The following OPRM1 variants were observed in gnomAD, a reference collection of about 807,000 sequenced individuals.
OPRM1 encodes the protein mu-type opioid receptor.
Under a neutral mutation model 31.8 loss-of-function variants are expected in OPRM1, and 27 were observed. That is an observed-to-expected ratio of 0.85 (90% CI 0.63 to 1.17). The LOEUF (loss-of-function observed/expected upper bound fraction) is 1.17. Ranked by LOEUF, OPRM1 falls within the 50% of genes most tolerant of loss-of-function variation. The pLI is 0.00. For missense variants in OPRM1, 536 were observed against 511.1 expected (o/e 1.05, Z -0.47); for synonymous variants, 196 against 189.9 (o/e 1.03, Z -0.26).
At chr6:154,174,509 A>G (rs983816760) in intron 3 of OPRM1, among the ~76,000 whole-genome samples, 7 of 152,288 alleles carry the variant, frequency 4.6e-5, no homozygotes, top group African/African-American at 1.4e-4. Flanking sequence ...AAAAAAAAGC[A>G]GGGGTTGCAA....
At chr6:154,080,868 C>G (rs1309608866) in intron 1 of OPRM1, among the ~76,000 whole-genome samples, 1 of 152,208 alleles carries the variant, frequency 6.6e-6, no homozygotes, top group East Asian at 1.9e-4. Context: ...TATCCATTCT[C>G]CCATGCTGGA....
At chr6:154,140,660 C>T (rs1461169170) in intron 3 of OPRM1, among the ~76,000 whole-genome samples, 2 of 151,970 alleles carry the variant, frequency 1.3e-5, no homozygotes, top group East Asian at 3.9e-4. Flanking sequence ...GGAGATGGAC[C>T]TCCCAAGAAT....
rs1473274739 is a variant in OPRM1, at chr6:154,039,392, A to C, written c.-153A>C. 1 of 1,546,822 alleles carries C rather than the reference A, an allele frequency of 6.5e-7. No individual in the cohort carries two copies. Among genetic ancestry groups the C allele is most frequent in the East Asian group, 2.5e-5 (1 of 40,806 alleles). On this transcript the variant is annotated 5_prime_UTR_variant, in exon 1 of 4. The change abolishes the stop of an existing upstream ORF in the 5' untranslated region. Coordinates refer to ENST00000330432, the MANE Select transcript of OPRM1 (RefSeq NM_000914.5). ...TGCTCAGCTCGGTCCCCTCCGCCTGACGCTCCTCTCTGTCTCAGCCAGGAC... is the reference window on the plus strand; with the variant it reads ...TGCTCAGCTCGGTCCCCTCCGCCTGCCGCTCCTCTCTGTCTCAGCCAGGAC...
chr6:154,219,976 C>T (rs1042235510), intron 3 of OPRM1, among the ~76,000 whole-genome samples: 5 of 139,576 alleles, frequency 3.6e-5, no homozygotes, highest in Non-Finnish European at 7.6e-5. Flanking sequence ...TGAGCGGATA[C>T]CTGTAAGGAG....
At position 154,212,798 on chromosome 6, in the gene OPRM1, G is replaced by A. The variant is rs373741797; in HGVS notation, c.1165-33895G>A. ...AGACTGAGTCTGGGAAGCGTGAGGAGGGGGTGGTGTCTCCGCAGCTATTTC... is the reference window on the plus strand; with the variant it reads ...AGACTGAGTCTGGGAAGCGTGAGGAAGGGGTGGTGTCTCCGCAGCTATTTC... On this transcript the variant is annotated intron_variant, in intron 3 of 3. Transcript: ENST00000337049. The A allele has an allele frequency of 8.7e-6, 14 of 1,613,074 alleles. No individual in the cohort carries two copies. The African/African-American group carries it at 9.3e-5, about 11-fold the overall frequency.
At position 154,222,080 on chromosome 6, in the gene OPRM1, G is replaced by A. The variant is rs188658631; in HGVS notation, c.1165-24613G>A. 2.2e-3 allele frequency among the ~76,000 whole-genome samples: 340 copies of A among 152,242 alleles called. 1 individual carries two copies. The highest frequency in any genetic ancestry group is 8.0e-3 in the African/African-American group (331 of 41,536). ...AAGAATTTTTATAGGAGAATAATCA[G>A]GTATGGAACGTCCACTCTGCAGCAA... On this transcript the variant is annotated intron_variant, in intron 3 of 3. Coordinates refer to the OPRM1 transcript ENST00000337049.
At chr6:154,238,427 G>GTATA (rs148667051) in intron 3 of OPRM1, among the ~76,000 whole-genome samples, 14 of 150,206 alleles carry the variant, frequency 9.3e-5, no homozygotes, top group African/African-American at 1.5e-4. Flanking sequence ...GGCTAATTTT[G>GTATA]TATATATATA....
At chr6:154,134,250 T>C (rs946745789), downstream of OPRM1, among the ~76,000 whole-genome samples, 5 of 152,194 alleles carry the variant, frequency 3.3e-5, no homozygotes, top group African/African-American at 1.2e-4. Flanking sequence ...AATTATTCCT[T>C]CTGGAACCCC....
intron 3 of OPRM1, among the ~76,000 whole-genome samples, chr6:154,152,339 G>GAAAAGA (rs750969208): frequency 0.025 from 891 of 36,256 alleles, 21 homozygotes; most frequent in African/African-American, 0.045. Flanking sequence ...AAGAAAGAAA[G>GAAAAGA]AAAGAAAGGA....
rs1050556444 is a variant in OPRM1 at position 154,149,985 on chromosome 6, G to A, written c.1164+58513G>A. Among the ~76,000 whole-genome samples the A allele has an allele frequency of 1.1e-4, 17 of 152,274 alleles. No individual in the cohort carries two copies. The South Asian group carries it at 1.5e-3, about 13-fold the overall frequency. On this transcript the variant is annotated intron_variant, in intron 3 of 3. Transcript: ENST00000337049. Reference sequence around the variant, plus strand: ...ATGCTAATAGCCCCCTCACCAGCACGTCCCAATTGCTTTGGCAAATAATGT... The same window carrying A: ...ATGCTAATAGCCCCCTCACCAGCACATCCCAATTGCTTTGGCAAATAATGT...
chr6:154,148,877 A>C (rs889082101), intron 3 of OPRM1, among the ~76,000 whole-genome samples: 5 of 152,178 alleles, frequency 3.3e-5, no homozygotes, highest in Admixed American at 3.3e-4. Flanking sequence ...TGGGTCATCT[A>C]TTACTTGACC....
At chr6:154,075,967 C>T (rs1278338850) in intron 1 of OPRM1, among the ~76,000 whole-genome samples, 1 of 152,170 alleles carries the variant, frequency 6.6e-6, no homozygotes, top group Non-Finnish European at 1.5e-5. Flanking sequence ...TAGTGCAATA[C>T]TTGGCATGTA....
intron 1 of OPRM1, among the ~76,000 whole-genome samples, chr6:154,084,358 G>A (rs1196720571): frequency 1.3e-5 from 2 of 151,900 alleles, no homozygotes; most frequent in Non-Finnish European, 2.9e-5. Context: ...CCAATGAGAG[G>A]ATAATCACTA....
intron 3 of OPRM1, among the ~76,000 whole-genome samples, chr6:154,237,482 C>T (rs569938066): frequency 3.5e-4 from 54 of 152,298 alleles, no homozygotes; most frequent in African/African-American, 1.3e-3. Context: ...CTCCTGCATC[C>T]TAAAATCTCA....
chr6:154,216,778 G>C (rs1778429040), intron 3 of OPRM1, among the ~76,000 whole-genome samples: 1 of 152,182 alleles, frequency 6.6e-6, no homozygotes, highest in Admixed American at 6.5e-5. Flanking sequence ...TGAGGCAGGA[G>C]AATCGCTTGA....
At chr6:154,107,677 T>C in intron 3 of OPRM1, 1 of 718,556 alleles carries the variant, frequency 1.4e-6, no homozygotes, top group Non-Finnish European at 2.6e-6. Context: ...CAAGAGAAGG[T>C]ACTGCCGTGT....
chr6:154,132,038 G>T lies in OPRM1; in HGVS notation c.*13317G>T, dbSNP rs990408344. On this transcript the variant is annotated 3_prime_UTR_variant, in exon 4 of 4. Transcript: ENST00000330432. ...TATCTTCATTTAAAGTAGAGACAAA[G>T]CTACTATTTCACATTTCCAGGTAGG... 1.1e-4 allele frequency among the ~76,000 whole-genome samples: 17 copies of T among 150,436 alleles called. No homozygotes were observed. Among genetic ancestry groups the T allele is most frequent in the African/African-American group, 4.2e-4 (17 of 40,830 alleles).
chr6:154,227,901 C>CA (rs1554296544), intron 3 of OPRM1, among the ~76,000 whole-genome samples: 1 of 150,776 alleles, frequency 6.6e-6, no homozygotes, highest in Non-Finnish European at 1.5e-5. Context: ...TAAGCAGAAG[C>CA]TTTTTTTTTA....
intron 3 of OPRM1, among the ~76,000 whole-genome samples, chr6:154,230,408 T>A (rs2128625687): frequency 1.3e-5 from 2 of 152,286 alleles, no homozygotes; most frequent in South Asian, 4.2e-4. Flanking sequence ...CTTTTAGAAA[T>A]TAACTAAAAC....
Sources: gnomAD v4.1 joint callset for allele counts (sites outside exome capture counted in the v4.1 genomes callset) on GRCh38, gnomAD v4.1.1 for gene constraint, MANE v1.5 for transcripts, NCBI Gene and HGNC (gene_info 2026-07-23, HGNC 2026-07-21) for gene names.